The following SLC9A3 variants were observed in gnomAD, a reference collection of about 807,000 sequenced individuals.
SLC9A3 encodes the protein sodium/hydrogen exchanger 3.
A neutral mutation model predicts 86.8 loss-of-function variants in SLC9A3; 37 were observed. The ratio of observed to expected loss-of-function variants is 0.43; its 90% CI spans 0.33 to 0.56. The LOEUF is 0.56. SLC9A3 is among the 20% of genes least tolerant of loss of function. The probability of loss-of-function intolerance (pLI) is 0.06; values close to 1 mark genes in which losing one functional copy is unlikely to be tolerated. For synonymous variants in SLC9A3, 581 were observed against 528.3 expected (o/e 1.10, Z -1.37); for missense variants, 1,011 against 1,171.9 (o/e 0.86, Z 2.00).
At position 491,700 on chromosome 5, in the gene SLC9A3, G is replaced by T; in HGVS notation, c.514+69C>A. On this transcript the variant is annotated intron_variant, in intron 2 of 16. Transcript: ENST00000264938. The surrounding 1 kb of genome is among the most constrained non-coding windows in gnomAD (Gnocchi z 9.2). ...GGGTGCGGCACCCCGACCTTTCTGA[G>T]ATGAGGCAGCGCCGCCCCTCCCGGA... 1.4e-6 allele frequency: 2 copies of T among 1,381,954 alleles called. No homozygotes were observed. Among genetic ancestry groups the T allele is most frequent in the Non-Finnish European group, 1.9e-6 (2 of 1,032,050 alleles). The allele number at this position is 1,381,954 out of a possible 1,614,324, so 85.6% of individuals were successfully genotyped here.
At chr5:522,485 C>A (rs10067184) in intron 1 of SLC9A3, among the ~76,000 whole-genome samples, 10 of 152,098 alleles carry the variant, frequency 6.6e-5, no homozygotes, top group Non-Finnish European at 1.0e-4. Flanking sequence ...CACGGCCGGG[C>A]GCGGTGGCTC....
rs1021104160 is a variant in SLC9A3 at position 493,047 on chromosome 5, C to T, written c.212-976G>A. ...CTGCCAGGACCTCAGAGGCTCTGCC[C>T]GGCCCTGTGGGTGGGGGTGCAGGCA... On this transcript the variant is annotated intron_variant, in intron 1 of 16. Transcript: ENST00000264938. Among the ~76,000 whole-genome samples the T allele has an allele frequency of 6.6e-5, 10 of 152,090 alleles. No homozygotes were observed. The East Asian group carries it at 1.4e-3, about 21-fold the overall frequency.
At chr5:478,226 T>G (rs768786840) in intron 10 of SLC9A3, 6 of 152,294 alleles carry the variant, frequency 3.9e-5, no homozygotes, top group Admixed American at 6.5e-5. Flanking sequence ...TCATTGGTTC[T>G]GAGGGCCCTC....
At chr5:488,801 G>A (rs905415929) in intron 2 of SLC9A3, among the ~76,000 whole-genome samples, 3 of 152,200 alleles carry the variant, frequency 2.0e-5, no homozygotes, top group Non-Finnish European at 2.9e-5. Flanking sequence ...GGGGCCCATC[G>A]CCTGGAGTGG....
In SLC9A3 at chr5:491,618, AGGGCCTACG is replaced by A. The variant is rs1192469140; in HGVS notation, c.514+142_514+150del. 1.5e-6 allele frequency: 1 copy of A among 645,490 alleles called. No individual in the cohort carries two copies. The highest frequency in any genetic ancestry group is 2.6e-6 in the Non-Finnish European group (1 of 392,050). 40.0% of individuals were successfully genotyped at this position (645,490 alleles called of 1,614,324 possible). On this transcript the variant is annotated intron_variant, in intron 2 of 16. Transcript: ENST00000264938. The surrounding 1 kb of genome is among the most constrained non-coding windows in gnomAD (Gnocchi z 9.2). ...GCGCAGGGGACTGGCCTTGGTCACG[AGGGCCTACG>A]GGGCTGCCAGCCACGTTTCTCACCT...
chr5:494,759 T>C (rs969269682), intron 1 of SLC9A3, among the ~76,000 whole-genome samples: 3 of 152,144 alleles, frequency 2.0e-5, no homozygotes, highest in African/African-American at 7.2e-5. Flanking sequence ...CGTCGTCACC[T>C]CTGCTGCTGG....
At position 475,282 on chromosome 5, in the gene SLC9A3, C is replaced by T. The variant is rs141525866; in HGVS notation, c.2252-150G>A. 770 of 776,176 alleles carry T rather than the reference C, an allele frequency of 9.9e-4. 12 individuals carry two copies. In the East Asian group the frequency reaches 0.017, roughly 17 times the overall value. The allele number at this position is 776,176 out of a possible 1,614,324, so 48.1% of individuals were successfully genotyped here. On this transcript the variant is annotated intron_variant, in intron 15 of 16. Transcript: ENST00000264938. ...GTGCCTTTCAGGTTGCGGGCCCTTC[C>T]CCCACATCCATGACCCCACACGCCA...
chr5:485,860 G>A (rs556117861), intron 3 of SLC9A3, among the ~76,000 whole-genome samples: 3 of 152,306 alleles, frequency 2.0e-5, no homozygotes, highest in South Asian at 2.1e-4. Flanking sequence ...CTGGGGTGGG[G>A]GGCCCATGAG....
Position 524,131 on chromosome 5 carries a change from C to A in SLC9A3, c.192G>T (p.Val64=). ...DPYVIALWIL[V]ASLAKIGFHL... is the part of the protein sequence containing the mutation. Reference sequence around the variant, plus strand: ...ACTTACCGATCTTGGCCAAGCTGGCCACGAGGATCCAGAGCGCGATGACGT... The same window carrying A: ...ACTTACCGATCTTGGCCAAGCTGGCAACGAGGATCCAGAGCGCGATGACGT... Residue 64 remains valine (V), a synonymous_variant, in exon 1 of 17, where the codon GTG becomes GTT. Transcript: ENST00000264938. 6.5e-7 allele frequency: 1 copy of A among 1,527,178 alleles called. No homozygotes were observed. The highest frequency in any genetic ancestry group is 2.7e-5 in the East Asian group (1 of 36,774). 94.6% of individuals were successfully genotyped at this position (1,527,178 alleles called of 1,614,324 possible).
intron 1 of SLC9A3, among the ~76,000 whole-genome samples, chr5:494,849 C>G (rs60857630): frequency 0.24 from 37,022 of 152,202 alleles, 4,854 homozygotes; most frequent in African/African-American, 0.32. Context: ...GCAAGACCCA[C>G]CCAGGCCGCT....
intron 5 of SLC9A3, among the ~76,000 whole-genome samples, chr5:484,126 T>A (rs1199771074): frequency 7.2e-6 from 1 of 139,154 alleles, no homozygotes; most frequent in Admixed American, 7.1e-5. Flanking sequence ...AAGCTCGGGT[T>A]GGGGTCCCCC....
chr5:473,271 C>A lies in SLC9A3; in HGVS notation c.*108G>T, dbSNP rs889494074. The A allele has an allele frequency of 2.5e-6, 3 of 1,176,958 alleles. No individual in the cohort carries two copies. The highest frequency in any genetic ancestry group is 1.7e-5 in the African/African-American group (1 of 58,966). The allele number at this position is 1,176,958 out of a possible 1,614,324, so 72.9% of individuals were successfully genotyped here. ...CGAGGCGGGGCTCGGGGCTCGCGGTCGCTGTAGCCGCGCGGGGATCTGGGG... is the reference window on the plus strand; with the variant it reads ...CGAGGCGGGGCTCGGGGCTCGCGGTAGCTGTAGCCGCGCGGGGATCTGGGG... On this transcript the variant is annotated 3_prime_UTR_variant, in exon 17 of 17. Transcript: ENST00000264938.
Position 484,713 on chromosome 5 carries a change from C to A in SLC9A3, c.755-16G>T. On this transcript the variant is annotated splice_polypyrimidine_tract_variant and intron_variant, in intron 4 of 16. Transcript: ENST00000264938. ...AAGAAGGACACTGGGTAGAGGACGC[C>A]CTTTGTGGCCGTGCCGGCCTTCCGG... 1 of 1,610,500 alleles carries A rather than the reference C, an allele frequency of 6.2e-7. No homozygotes were observed. The highest frequency in any genetic ancestry group is 1.1e-5 in the South Asian group (1 of 91,050).
At chr5:489,263 C>T (rs1019949431) in intron 2 of SLC9A3, among the ~76,000 whole-genome samples, 11 of 151,904 alleles carry the variant, frequency 7.2e-5, no homozygotes, top group Non-Finnish European at 1.0e-4. Flanking sequence ...CCTTCCCGGC[C>T]GTGAGGGTCC....
Position 497,701 on chromosome 5 carries a change from A to C in SLC9A3, c.212-5630T>G, listed in dbSNP as rs1740083792. Among the ~76,000 whole-genome samples, 1 of 150,622 alleles carries C rather than the reference A, an allele frequency of 6.6e-6. No homozygotes were observed. The highest frequency in any genetic ancestry group is 6.6e-5 in the Admixed American group (1 of 15,068). ...CCCTGACCCCTGGGAGTGAAGCCTC[A>C]TCTGCCCCTGTCCTGGGTGGGGTCG... On this transcript the variant is annotated intron_variant, in intron 1 of 16. Coordinates refer to ENST00000264938, the MANE Select transcript of SLC9A3 (RefSeq NM_004174.4). This position sits in a 1 kb window ranked among gnomAD's most constrained non-coding sequence, Gnocchi z 5.4.
chr5:482,768 G>C lies in SLC9A3; in HGVS notation c.1154-18C>G. The stretch of plus-strand genomic sequence containing the variant: ...GACCACACCTGCGGATGATGGGGCG[G>C]GCACTCAGCTCCCCGGCCGCCCTCC... On this transcript the variant is annotated intron_variant, in intron 6 of 16. Transcript: ENST00000264938. 9 of 1,576,776 alleles carry C rather than the reference G, an allele frequency of 5.7e-6. No homozygotes were observed. Among genetic ancestry groups the C allele is most frequent in the Non-Finnish European group, 7.8e-6 (9 of 1,160,618 alleles).
At chr5:504,862 G>A (rs1442404458) in intron 1 of SLC9A3, among the ~76,000 whole-genome samples, 1 of 151,970 alleles carries the variant, frequency 6.6e-6, no homozygotes, top group Non-Finnish European at 1.5e-5. Context: ...CATACAGCGG[G>A]GGCTCACACC....
intron 1 of SLC9A3, among the ~76,000 whole-genome samples, chr5:500,395 G>A (rs1051982595): frequency 2.6e-5 from 4 of 152,264 alleles, no homozygotes. Flanking sequence ...GGAAGGGGGG[G>A]TGGCAGGAGA....
chr5:493,900 G>A (rs1205990788), intron 1 of SLC9A3, among the ~76,000 whole-genome samples: 5 of 152,242 alleles, frequency 3.3e-5, no homozygotes, highest in Admixed American at 3.3e-4. Context: ...GTTGGCCCGG[G>A]GAGGCTGGAA....
Sources: allele counts gnomAD v4.1 joint callset (sites outside exome capture counted in the v4.1 genomes callset), GRCh38; gene constraint gnomAD v4.1.1; non-coding constraint Gnocchi (gnomAD v3.1); transcripts MANE v1.5; gene names NCBI Gene and HGNC (gene_info 2026-07-23, HGNC 2026-07-21).